The following ANKRD30A variants were observed in gnomAD, a reference collection of about 807,000 sequenced individuals.
The protein encoded by ANKRD30A is ankyrin repeat domain-containing protein 30A.
In ANKRD30A, 170 loss-of-function variants were observed where a neutral mutation model predicts 166.3. The ratio of observed to expected loss-of-function variants is 1.02; its 90% confidence interval spans 0.90 to 1.16. The LOEUF (loss-of-function observed/expected upper bound fraction) is 1.16, where lower values mean the gene tolerates loss of function less well. Among genes scored for constraint, ANKRD30A ranks in the 50% most tolerant of loss-of-function variants. The pLI is 0.00. For synonymous variants in ANKRD30A, 564 were observed against 508.9 expected (o/e 1.11, Z -1.46); for missense variants, 1,630 against 1,518.0 (o/e 1.07, Z -1.23).
At chr10:37,197,796 G>A (rs1841264711) in intron 29 of ANKRD30A, among the ~76,000 whole-genome samples, 1 of 151,918 alleles carries the variant, frequency 6.6e-6, no homozygotes, top group Non-Finnish European at 1.5e-5. Flanking sequence ...TCTTTTTTTA[G>A]TTCTTCGAAG....
At chr10:37,201,087 TG>T (rs753756494) in intron 30 of ANKRD30A, 147 bp from the exon 31 acceptor site, 18 of 495,798 alleles carry the variant, frequency 3.6e-5, no homozygotes, top group South Asian at 1.7e-4. Flanking sequence ...TCTATTAAAA[TG>T]TTTTTTTTTA....
the ANKRD30A span, among the ~76,000 whole-genome samples, chr10:37,261,020 C>T: frequency 6.6e-6 from 1 of 152,006 alleles, no homozygotes; most frequent in Non-Finnish European, 1.5e-5. Flanking sequence ...CAAACTTGCA[C>T]TTTACCCCCA....
intron 11 of ANKRD30A, among the ~76,000 whole-genome samples, chr10:37,151,110 T>C (rs1837902426): frequency 6.6e-6 from 1 of 151,050 alleles, no homozygotes; most frequent in African/African-American, 2.4e-5. Context: ...ATACAGTTGA[T>C]GGATGTCAAA....
In ANKRD30A at chr10:37,216,245, A is replaced by G. The variant is rs1229094539; in HGVS notation, c.2934A>G (p.Gln978=). ...CTTGTGAAAGAGCAAGGGAACTTCAAAAAGATCACTGTGAACAACGTACAG... is the reference window on the plus strand; with the variant it reads ...CTTGTGAAAGAGCAAGGGAACTTCAGAAAGATCACTGTGAACAACGTACAG... The part of the protein sequence containing the change: ...VHSCERAREL[Q]KDHCEQRTGK... Residue 978 remains glutamine, a synonymous_variant, in exon 32 of 36, where the codon CAA becomes CAG. Transcript: ENST00000361713. The G allele has an allele frequency of 6.2e-7, 1 of 1,608,370 alleles. No individual in the cohort carries two copies. Among genetic ancestry groups the G allele is most frequent in the South Asian group, 1.1e-5 (1 of 90,928 alleles).
chr10:37,162,945 A>G, intron 17 of ANKRD30A, 97 bp downstream of exon 17: 1 of 1,450,350 alleles, frequency 6.9e-7, no homozygotes, highest in Non-Finnish European at 9.4e-7. Flanking sequence ...TTCAACTTTG[A>G]TGAAAAGATT....
chr10:37,215,517 C>T (rs1228992726), intron 31 of ANKRD30A, among the ~76,000 whole-genome samples: 2 of 151,356 alleles, frequency 1.3e-5, no homozygotes, highest in East Asian at 3.9e-4. Context: ...ATCACTGTAA[C>T]CAAGAGAGTC....
intron 15 of ANKRD30A, among the ~76,000 whole-genome samples, chr10:37,161,059 C>G (rs1838817036): frequency 6.6e-6 from 1 of 152,156 alleles, no homozygotes; most frequent in East Asian, 1.9e-4. Context: ...CGAGACCATC[C>G]TGACTAACAA....
intron 27 of ANKRD30A, among the ~76,000 whole-genome samples, chr10:37,195,932 G>C (rs1172780084): frequency 1.3e-5 from 2 of 151,836 alleles, no homozygotes; most frequent in Non-Finnish European, 2.9e-5. Flanking sequence ...TTTATTTCTG[G>C]GTATGCTTTT....
intron 34 of ANKRD30A, among the ~76,000 whole-genome samples, chr10:37,227,239 T>G (rs1843200160): frequency 6.6e-6 from 1 of 152,004 alleles, no homozygotes; most frequent in South Asian, 2.1e-4. Context: ...TTTATTCCTG[T>G]CTTTTCTTTG....
rs543511964 is a variant in ANKRD30A at position 37,190,101 on chromosome 10, A to C, written c.2512+544A>C. Among the ~76,000 whole-genome samples the C allele has an allele frequency of 2.0e-3, 301 of 152,038 alleles. 4 individuals are homozygous for C. Among genetic ancestry groups the C allele is most frequent in the Middle Eastern group, 3.4e-3 (1 of 294 alleles). ...CCATGGAGAGCTGTGTTCTATTTGC[A>C]ATAGGTGAGAATAAGCATATCTGCA... On this transcript the variant is annotated intron_variant, in intron 25 of 35. Coordinates refer to ENST00000361713, the MANE Select transcript of ANKRD30A (RefSeq NM_052997.3).
At chr10:37,144,004 A>G (rs1165402885) in intron 7 of ANKRD30A, among the ~76,000 whole-genome samples, 2 of 151,734 alleles carry the variant, frequency 1.3e-5, no homozygotes, top group Non-Finnish European at 2.9e-5. Flanking sequence ...AGTCAAGTTC[A>G]GAAGCTCAAT....
At chr10:37,193,151 T>A (rs1420462186) in intron 26 of ANKRD30A, 35 bp from the exon 27 acceptor site, 4 of 1,608,186 alleles carry the variant, frequency 2.5e-6, no homozygotes, top group Non-Finnish European at 2.6e-6. Context: ...AAGTATACAT[T>A]GTATATTAAT....
intron 24 of ANKRD30A, chr10:37,184,343 T>A: frequency 1.4e-5 from 1 of 70,186 alleles, no homozygotes; most frequent in African/African-American, 5.1e-5. Context: ...TTTTTTTTAA[T>A]TTCTTTTTTT....
chr10:37,166,728 A>C, intron 19 of ANKRD30A, 33 bp downstream of exon 19: 1 of 1,607,944 alleles, frequency 6.2e-7, no homozygotes, highest in South Asian at 1.1e-5. Context: ...AAATCATTTG[A>C]CCAAATATTT....
chr10:37,159,594 A>T (rs1233843507), intron 15 of ANKRD30A, among the ~76,000 whole-genome samples: 2 of 152,214 alleles, frequency 1.3e-5, no homozygotes, highest in African/African-American at 4.8e-5. Flanking sequence ...TTCATGTCTT[A>T]TACGCTGTGT....
chr10:37,193,489 T>A (rs1416829287), intron 27 of ANKRD30A, among the ~76,000 whole-genome samples: 1 of 152,072 alleles, frequency 6.6e-6, no homozygotes, highest in Non-Finnish European at 1.5e-5. Flanking sequence ...TACTTTAATG[T>A]CCTGATCGGA....
chr10:37,200,971 A>G (rs1020133766), intron 30 of ANKRD30A, among the ~76,000 whole-genome samples: 2 of 152,028 alleles, frequency 1.3e-5, no homozygotes, highest in African/African-American at 4.8e-5. Flanking sequence ...AATATGCACG[A>G]TTGAATTTTT....
In ANKRD30A at chr10:37,152,165, A is replaced by AT. The variant is rs1223136405; in HGVS notation, c.1707+45dup. The AT allele has an allele frequency of 2.1e-6, 3 of 1,460,218 alleles. No homozygotes were observed. The African/African-American group carries it at 4.2e-5, about 21-fold the overall frequency. 90.5% of individuals were successfully genotyped at this position (1,460,218 alleles called of 1,614,324 possible). A position where few individuals can be genotyped will look rare whatever the true frequency, so the allele number is the denominator to read the frequency against. On this transcript the variant is annotated intron_variant, in intron 12 of 35. Coordinates refer to ENST00000361713, the MANE Select transcript of ANKRD30A (RefSeq NM_052997.3). ...TTTTTTTTAATATTAGTATTGCATG[A>AT]TATGAAAACATAAAGGCAGAGGCTT... is the stretch of plus-strand genomic sequence containing the variant.
intron 32 of ANKRD30A, 52 bp downstream of exon 32, chr10:37,216,446 C>T (rs781216306): frequency 8.8e-6 from 13 of 1,481,338 alleles, no homozygotes; most frequent in South Asian, 2.7e-5. Flanking sequence ...ACTAAAACTA[C>T]GTAGGATACT....
Sources: gnomAD v4.1 joint callset for allele counts (sites outside exome capture counted in the v4.1 genomes callset) on GRCh38, gnomAD v4.1.1 for gene constraint, MANE v1.5 for transcripts, NCBI Gene and HGNC (gene_info 2026-07-23, HGNC 2026-07-21) for gene names.